The following RABGAP1L variants were observed in gnomAD, a reference collection of about 807,000 sequenced individuals.
The protein encoded by RABGAP1L is rab GTPase-activating protein 1-like.
A neutral mutation model predicts 137.7 loss-of-function variants in RABGAP1L; 63 were observed. The ratio of observed to expected loss-of-function variants is 0.46; its 90% CI spans 0.37 to 0.56. The LOEUF is 0.56. Among genes scored for constraint, RABGAP1L ranks in the 20% least tolerant of loss-of-function variants. The pLI, the probability that RABGAP1L is intolerant of heterozygous loss-of-function variation, is 0.00. For synonymous variants in RABGAP1L, 431 were observed against 433.7 expected (o/e 0.99, Z 0.08); for missense variants, 1,095 against 1,244.0 (o/e 0.88, Z 1.80).
intron 13 of RABGAP1L, among the ~76,000 whole-genome samples, chr1:174,452,131 G>C (rs572485510): frequency 6.6e-6 from 1 of 152,176 alleles, no homozygotes; most frequent in East Asian, 1.9e-4. Context: ...TTTAGGTAAT[G>C]TGTTTTAAGA....
intron 21 of RABGAP1L, among the ~76,000 whole-genome samples, chr1:174,971,959 A>AC (rs1308416288): frequency 6.6e-6 from 1 of 152,252 alleles, no homozygotes; most frequent in Non-Finnish European, 1.5e-5. Flanking sequence ...TCTTACTCTG[A>AC]CCATTTTAGT....
At chr1:174,644,448 T>A (rs916546676) in intron 14 of RABGAP1L, among the ~76,000 whole-genome samples, 1 of 151,904 alleles carries the variant, frequency 6.6e-6, no homozygotes, top group African/African-American at 2.4e-5. Context: ...GGGATTGGTG[T>A]GACGCCTAAG....
At chr1:174,474,999 T>C (rs754940645) in intron 13 of RABGAP1L, among the ~76,000 whole-genome samples, 2 of 152,142 alleles carry the variant, frequency 1.3e-5, no homozygotes, top group Non-Finnish European at 2.9e-5. Context: ...TGTATGATTG[T>C]ATTAAATGTA....
At chr1:174,609,883 T>A (rs184100581) in intron 13 of RABGAP1L, among the ~76,000 whole-genome samples, 8 of 152,106 alleles carry the variant, frequency 5.3e-5, no homozygotes, top group Non-Finnish European at 1.2e-4. Flanking sequence ...AAACAGTTTT[T>A]TAAATTATTT....
At chr1:174,321,488 G>C (rs187843527) in intron 11 of RABGAP1L, among the ~76,000 whole-genome samples, 2 of 152,212 alleles carry the variant, frequency 1.3e-5, no homozygotes, top group Admixed American at 1.3e-4. Context: ...CGGACTCCCA[G>C]CTTTTAAATA....
In RABGAP1L at chr1:174,250,513, A is replaced by G. The variant is rs147517172; in HGVS notation, c.756A>G (p.Lys252=). ...RILYSFCTAF[K]RSSRQVSDVK... ...TGTACAGTTTCTGTACAGCATTCAA[A>G]CGTTCTTCCAGACAAGTGTCTGATG... Residue 252 remains lysine (K), a synonymous_variant, in exon 6 of 26, where the codon AAA becomes AAG. Coordinates refer to ENST00000681986, the MANE Select transcript of RABGAP1L (RefSeq NM_001366446.1). The G allele has an allele frequency of 5.0e-6, 8 of 1,613,498 alleles. No homozygotes were observed. Among genetic ancestry groups the G allele is most frequent in the Non-Finnish European group, 6.8e-6 (8 of 1,179,664 alleles).
At chr1:174,332,565 T>G (rs889952725) in intron 11 of RABGAP1L, among the ~76,000 whole-genome samples, 4 of 152,194 alleles carry the variant, frequency 2.6e-5, no homozygotes, top group Non-Finnish European at 5.9e-5. Context: ...CTGGCTAATT[T>G]TTGTATTTTT....
At chr1:174,578,859 C>T (rs1335580674) in intron 13 of RABGAP1L, among the ~76,000 whole-genome samples, 1 of 152,000 alleles carries the variant, frequency 6.6e-6, no homozygotes, top group Non-Finnish European at 1.5e-5. Flanking sequence ...TTTATAAGAA[C>T]ATAGAGAAGA....
chr1:174,319,837 T>A (rs1440141304), intron 11 of RABGAP1L, among the ~76,000 whole-genome samples: 1 of 152,162 alleles, frequency 6.6e-6, no homozygotes, highest in African/African-American at 2.4e-5. Flanking sequence ...ATAGAGTAAT[T>A]AATTGATTTT....
At chr1:174,316,320 A>G (rs942707494) in intron 11 of RABGAP1L, among the ~76,000 whole-genome samples, 1 of 152,172 alleles carries the variant, frequency 6.6e-6, no homozygotes, top group Non-Finnish European at 1.5e-5. Flanking sequence ...GTGTCTGAGC[A>G]TCAAAGAGTT....
intron 19 of RABGAP1L, among the ~76,000 whole-genome samples, chr1:174,891,904 CAGAA>C (rs1164536275): frequency 2.0e-5 from 3 of 152,160 alleles, no homozygotes; most frequent in East Asian, 1.9e-4. Context: ...AACTGAAACA[CAGAA>C]AGAAAATACA....
At chr1:174,443,227 A>G (rs1445223908) in intron 13 of RABGAP1L, among the ~76,000 whole-genome samples, 3 of 151,892 alleles carry the variant, frequency 2.0e-5, no homozygotes, top group Non-Finnish European at 2.9e-5. Flanking sequence ...TTTCTTTTGG[A>G]TATATACCCA....
chr1:174,271,694 G>C (rs1337327187), intron 7 of RABGAP1L, among the ~76,000 whole-genome samples: 5 of 151,962 alleles, frequency 3.3e-5, no homozygotes. Flanking sequence ...AAAAATCTTC[G>C]AGTTAGCTGA....
chr1:174,892,573 G>T, intron 19 of RABGAP1L: 1 of 529,744 alleles, frequency 1.9e-6, no homozygotes. Context: ...GGAACTCAAG[G>T]GTGGTATTTA....
At chr1:174,916,524 C>A (rs1390003801) in intron 19 of RABGAP1L, among the ~76,000 whole-genome samples, 1 of 152,178 alleles carries the variant, frequency 6.6e-6, no homozygotes, top group Non-Finnish European at 1.5e-5. Context: ...ATGATAGTCA[C>A]AAATATGAAG....
At chr1:174,369,678 T>G (rs1424669809) in intron 11 of RABGAP1L, among the ~76,000 whole-genome samples, 1 of 152,242 alleles carries the variant, frequency 6.6e-6, no homozygotes, top group African/African-American at 2.4e-5. Flanking sequence ...AATATTTCAT[T>G]TGCTTTAACT....
intron 5 of RABGAP1L, among the ~76,000 whole-genome samples, chr1:174,246,652 G>A (rs1672289829): frequency 6.6e-6 from 1 of 152,146 alleles, no homozygotes. Flanking sequence ...AGAGATTAAA[G>A]TATATGGAAA....
intron 10 of RABGAP1L, among the ~76,000 whole-genome samples, chr1:174,281,758 C>T (rs112123788): frequency 4.6e-5 from 7 of 152,290 alleles, no homozygotes; most frequent in African/African-American, 1.7e-4. Context: ...CAGTAATATG[C>T]ACCCATTTAA....
chr1:174,920,155 T>C (rs932659573), intron 19 of RABGAP1L, among the ~76,000 whole-genome samples: 2 of 152,240 alleles, frequency 1.3e-5, no homozygotes, highest in Non-Finnish European at 2.9e-5. Context: ...GTGGCCTAAC[T>C]ACTGTATTAG....
Sources: gnomAD v4.1 joint callset for allele counts (sites outside exome capture counted in the v4.1 genomes callset) on GRCh38, gnomAD v4.1.1 for gene constraint, MANE v1.5 for transcripts, NCBI Gene and HGNC (gene_info 2026-07-23, HGNC 2026-07-21) for gene names.